Variants in NCEH1 observed in about 807,000 individuals in gnomAD.
NCEH1 encodes the protein 2-acetyl MAGE hydrolase.
Under a neutral mutation model 25.4 loss-of-function variants are expected in NCEH1, and 9 were observed. The observed-to-expected ratio is 0.35, with a 90% CI of 0.21 to 0.62. NCEH1 has a LOEUF of 0.62. Ranked by LOEUF, NCEH1 falls within the 20% of genes least tolerant of loss-of-function variation. The pLI is 0.72. For synonymous variants in NCEH1, 200 were observed against 199.8 expected, an observed-to-expected ratio of 1.00 and a Z score of -0.01; for missense variants, 412 against 501.1, an observed-to-expected ratio of 0.82 and a Z score of 1.70.
intron 1 of NCEH1, among the ~76,000 whole-genome samples, chr3:172,701,441 T>C (rs1242411941): frequency 7.3e-6 from 1 of 137,554 alleles, no homozygotes; most frequent in African/African-American, 2.9e-5. Flanking sequence ...TCCTAGATGG[T>C]CTTTTGCCTT....
rs770786178 is a variant in NCEH1 at position 172,674,666 on chromosome 3, T to C, written c.139-26552A>G. ...GAGGGAAATGTTATATCTTGGCAAG[T>C]AAAATTTTCAATGAAAATTATTTAC... On this transcript the variant is annotated intron_variant, in intron 1 of 4. Coordinates refer to ENST00000475381, the MANE Select transcript of NCEH1 (RefSeq NM_020792.6). 6.2e-4 allele frequency among the ~76,000 whole-genome samples: 94 copies of C among 152,204 alleles called. 1 individual carries two copies. The highest frequency in any genetic ancestry group is 6.5e-4 in the Non-Finnish European group (44 of 68,030).
At chr3:172,708,547 G>T (rs1028869072) in intron 1 of NCEH1, among the ~76,000 whole-genome samples, 19 of 152,062 alleles carry the variant, frequency 1.2e-4, no homozygotes, top group Non-Finnish European at 2.4e-4. Flanking sequence ...AGTAGAAAGA[G>T]GTTTCACTAT....
chr3:172,658,634 G>T (rs961871367), intron 1 of NCEH1, among the ~76,000 whole-genome samples: 3 of 152,090 alleles, frequency 2.0e-5, no homozygotes, highest in African/African-American at 7.2e-5. Flanking sequence ...TTCATGACAA[G>T]CTACAAAGCA....
chr3:172,634,737 C>A (rs1481526540), intron 4 of NCEH1, among the ~76,000 whole-genome samples: 1 of 152,128 alleles, frequency 6.6e-6, no homozygotes, highest in Non-Finnish European at 1.5e-5. Context: ...TTAACATTGC[C>A]CCATTTTGTA....
chr3:172,657,331 GC>G (rs1263915000), intron 1 of NCEH1, among the ~76,000 whole-genome samples: 1 of 151,938 alleles, frequency 6.6e-6, no homozygotes, highest in African/African-American at 2.4e-5. Context: ...AATTAATATG[GC>G]CTACTCTCCC....
At chr3:172,681,908 C>T (rs1295228363) in intron 1 of NCEH1, among the ~76,000 whole-genome samples, 1 of 143,736 alleles carries the variant, frequency 7.0e-6, no homozygotes, top group Non-Finnish European at 1.5e-5. Flanking sequence ...GAGACTGTCT[C>T]AAAAAAAAAA....
intron 1 of NCEH1, among the ~76,000 whole-genome samples, chr3:172,703,527 C>CA (rs11462899): frequency 0.14 from 11,311 of 80,416 alleles, 1,353 homozygotes; most frequent in African/African-American, 0.28. Flanking sequence ...GACTCTGTCT[C>CA]AAAAAAAAAA....
chr3:172,635,441 C>A (rs953526329), intron 4 of NCEH1, among the ~76,000 whole-genome samples: 2 of 152,006 alleles, frequency 1.3e-5, no homozygotes, highest in African/African-American at 4.8e-5. Context: ...CTCATAGTAA[C>A]TTGTAAGATA....
chr3:172,694,790 C>T (rs545323591), intron 1 of NCEH1, among the ~76,000 whole-genome samples: 10 of 152,334 alleles, frequency 6.6e-5, no homozygotes, highest in African/African-American at 2.2e-4. Flanking sequence ...GTTTTCCCAA[C>T]TTCTGCTTCC....
At chr3:172,694,359 T>C (rs1399224275) in intron 1 of NCEH1, among the ~76,000 whole-genome samples, 1 of 151,718 alleles carries the variant, frequency 6.6e-6, no homozygotes, top group African/African-American at 2.4e-5. Context: ...TTTAGTTATT[T>C]GGGGAAAGAG....
chr3:172,683,661 G>A (rs918492461), intron 1 of NCEH1, among the ~76,000 whole-genome samples: 1 of 152,192 alleles, frequency 6.6e-6, no homozygotes, highest in Non-Finnish European at 1.5e-5. Flanking sequence ...CTGAGTGACA[G>A]GGCGAGACCC....
intron 1 of NCEH1, among the ~76,000 whole-genome samples, chr3:172,687,262 C>G (rs746973393): frequency 2.0e-5 from 3 of 152,172 alleles, no homozygotes; most frequent in Non-Finnish European, 2.9e-5. Flanking sequence ...CAGCTTCAAT[C>G]TGAACCTTTG....
chr3:172,695,216 C>A (rs1047988467), intron 1 of NCEH1, among the ~76,000 whole-genome samples: 4 of 152,302 alleles, frequency 2.6e-5, no homozygotes, highest in African/African-American at 9.6e-5. Context: ...AATATCAACC[C>A]TGCTTGTAAG....
chr3:172,674,944 T>C (rs1191312367), intron 1 of NCEH1, among the ~76,000 whole-genome samples: 1 of 152,210 alleles, frequency 6.6e-6, no homozygotes, highest in East Asian at 1.9e-4. Context: ...TAGGACTTTT[T>C]ACTAAAGGTT....
rs60219751 is a variant in NCEH1, at chr3:172,701,616, G to GTTT, written c.138+9228_138+9230dup. 1.0e-3 allele frequency among the ~76,000 whole-genome samples: 116 copies of GTTT among 110,716 alleles called. 2 individuals are homozygous for GTTT. Among genetic ancestry groups the GTTT allele is most frequent in the Middle Eastern group, 5.3e-3 (1 of 188 alleles). 72.6% of individuals were successfully genotyped at this position (110,716 alleles called of 152,430 possible). A position where few individuals can be genotyped will look rare whatever the true frequency, so the allele number is the denominator to read the frequency against. ...AGACGCGTGCCACCATGCCCAGCTA[G>GTTT]TTTTTTTTTTTTTTTTTTTTTGTAT... On this transcript the variant is annotated intron_variant, in intron 1 of 4. Transcript: ENST00000475381.
At chr3:172,642,066 C>T (rs912263137) in intron 3 of NCEH1, among the ~76,000 whole-genome samples, 11 of 152,020 alleles carry the variant, frequency 7.2e-5, no homozygotes, top group African/African-American at 1.7e-4. Context: ...GCATTTAACA[C>T]GGTAACTAGC....
intron 1 of NCEH1, among the ~76,000 whole-genome samples, chr3:172,654,603 A>G (rs1717605070): frequency 6.6e-6 from 1 of 152,242 alleles, no homozygotes; most frequent in Non-Finnish European, 1.5e-5. Flanking sequence ...GCTTATTTGT[A>G]TGGTCATATT....
intron 1 of NCEH1, among the ~76,000 whole-genome samples, chr3:172,688,838 G>A (rs562449008): frequency 6.6e-6 from 1 of 152,258 alleles, no homozygotes; most frequent in South Asian, 2.1e-4. Context: ...ACTCTTGGTG[G>A]TAACTTACAG....
chr3:172,682,776 A>C (rs530186871), intron 1 of NCEH1, among the ~76,000 whole-genome samples: 1 of 152,232 alleles, frequency 6.6e-6, no homozygotes, highest in Middle Eastern at 3.2e-3. Context: ...GCATTTGAGA[A>C]GTATTAATGC....
Sources: gnomAD v4.1 joint callset for allele counts (sites outside exome capture counted in the v4.1 genomes callset) on GRCh38, gnomAD v4.1.1 for gene constraint, MANE v1.5 for transcripts, NCBI Gene and HGNC (gene_info 2026-07-23, HGNC 2026-07-21) for gene names.